Variants in SGCZ observed in about 807,000 individuals in gnomAD.
The protein encoded by SGCZ is zeta-sarcoglycan.
In SGCZ, 40 loss-of-function variants were observed where a neutral mutation model predicts 41.3. The ratio of observed to expected loss-of-function variants is 0.97; its 90% CI spans 0.75 to 1.26. The LOEUF (loss-of-function observed/expected upper bound fraction) is 1.26, where lower values mean the gene tolerates loss of function less well. Among genes scored for constraint, SGCZ ranks in the 50% most tolerant of loss-of-function variants. The pLI is 0.00. For synonymous variants in SGCZ, 206 were observed against 137.5 expected, an observed-to-expected ratio of 1.50 and a Z score of -3.49; for missense variants, 552 against 369.8, an observed-to-expected ratio of 1.49 and a Z score of -4.04.
At chr8:15,212,510 G>C (rs1333098275) in intron 1 of SGCZ, among the ~76,000 whole-genome samples, 1 of 152,054 alleles carries the variant, frequency 6.6e-6, no homozygotes. Flanking sequence ...TTCCTTGATA[G>C]TATCTTTTGA....
At chr8:15,023,627 T>TACA (rs1220356214) in intron 1 of SGCZ, among the ~76,000 whole-genome samples, 1 of 152,228 alleles carries the variant, frequency 6.6e-6, no homozygotes, top group Admixed American at 6.5e-5. Flanking sequence ...GTGATACTGC[T>TACA]ACAACATTTT....
At chr8:14,816,490 T>C (rs1406056291) in intron 1 of SGCZ, among the ~76,000 whole-genome samples, 2 of 152,236 alleles carry the variant, frequency 1.3e-5, no homozygotes, top group African/African-American at 4.8e-5. Context: ...TATATAACTG[T>C]GAAATTCAAC....
intron 1 of SGCZ, among the ~76,000 whole-genome samples, chr8:15,167,091 C>T (rs1361856855): frequency 2.6e-5 from 4 of 152,196 alleles, no homozygotes; most frequent in South Asian, 2.1e-4. Flanking sequence ...GGTATACCCC[C>T]GTGATCAAAA....
chr8:14,086,935 G>T lies in SGCZ; in HGVS notation c.*3508C>A, dbSNP rs1200383105. On this transcript the variant is annotated 3_prime_UTR_variant, in exon 8 of 8. Coordinates refer to ENST00000382080, the MANE Select transcript of SGCZ (RefSeq NM_139167.4). ...TGTGACTAAAGGAAATGTCTAGTTT[G>T]ATATACCCCTCTCACAGATAAGTGA... Among the ~76,000 whole-genome samples the T allele has an allele frequency of 6.6e-6, 1 of 151,592 alleles. No individual in the cohort carries two copies. The highest frequency in any genetic ancestry group is 1.5e-5 in the Non-Finnish European group (1 of 67,718).
intron 2 of SGCZ, among the ~76,000 whole-genome samples, chr8:14,424,495 T>C (rs1041230019): frequency 1.3e-5 from 2 of 152,218 alleles, no homozygotes; most frequent in Non-Finnish European, 2.9e-5. Context: ...TCTCTGTGAG[T>C]ATATTGCAAA....
chr8:14,983,268 C>A lies in SGCZ; in HGVS notation c.39+254317G>T, dbSNP rs547154903. Among the ~76,000 whole-genome samples the A allele has an allele frequency of 2.6e-5, 4 of 151,708 alleles. No individual in the cohort carries two copies. In the South Asian group the frequency reaches 8.3e-4, roughly 32 times the overall value. On this transcript the variant is annotated intron_variant, in intron 1 of 7. Coordinates refer to ENST00000382080, the MANE Select transcript of SGCZ (RefSeq NM_139167.4). ...TGGTGTAATCATAGCTCACTGCAGC[C>A]TCCAACTGCAGGTTGAACTGGTAGG...
At chr8:14,763,864 T>C (rs548230739) in intron 1 of SGCZ, among the ~76,000 whole-genome samples, 9 of 152,342 alleles carry the variant, frequency 5.9e-5, no homozygotes, top group East Asian at 1.9e-4. Flanking sequence ...TTAGGAACTA[T>C]GAGTTTCTCT....
Position 14,778,138 on chromosome 8 carries a change from G to A in SGCZ, c.40-223212C>T, listed in dbSNP as rs570067581. 1.1e-4 allele frequency among the ~76,000 whole-genome samples: 17 copies of A among 151,912 alleles called. No homozygotes were observed. In the East Asian group the frequency reaches 2.1e-3, roughly 19 times the overall value. Reference sequence around the variant, plus strand: ...AGATGAGGTCTCAACTGATTGTCCCGGCTAGTCTCAAACTACTGGCCTCAA... The same window carrying A: ...AGATGAGGTCTCAACTGATTGTCCCAGCTAGTCTCAAACTACTGGCCTCAA... On this transcript the variant is annotated intron_variant, in intron 1 of 7. Transcript: ENST00000382080.
intron 3 of SGCZ, among the ~76,000 whole-genome samples, chr8:14,238,870 C>G (rs1806865636): frequency 6.6e-6 from 1 of 151,864 alleles, no homozygotes; most frequent in Non-Finnish European, 1.5e-5. Flanking sequence ...GGCAGTATGT[C>G]ACGTCTATGT....
intron 2 of SGCZ, among the ~76,000 whole-genome samples, chr8:14,427,045 T>TGAATGAATGAATGAGTGAATGAAC (rs1799803160): frequency 7.0e-6 from 1 of 141,852 alleles, no homozygotes; most frequent in Non-Finnish European, 1.6e-5. Context: ...AATGAATGAA[T>TGAATGAATGAATGAGTGAATGAAC]GAATGAATGA....
chr8:14,292,530 T>G (rs756618921), intron 3 of SGCZ, among the ~76,000 whole-genome samples: 2 of 152,094 alleles, frequency 1.3e-5, no homozygotes, highest in Non-Finnish European at 2.9e-5. Context: ...AGATAGGGAA[T>G]GAAGAGACAT....
chr8:14,645,657 C>A (rs1445283825), intron 1 of SGCZ, among the ~76,000 whole-genome samples: 2 of 151,280 alleles, frequency 1.3e-5, no homozygotes, highest in East Asian at 2.0e-4. Flanking sequence ...CACTATTATA[C>A]CCCATACGCA....
intron 1 of SGCZ, among the ~76,000 whole-genome samples, chr8:14,971,193 T>C (rs908466822): frequency 2.6e-5 from 4 of 152,308 alleles, no homozygotes; most frequent in African/African-American, 9.6e-5. Context: ...TGAACAGTCA[T>C]GTTAGTTTCA....
intron 1 of SGCZ, among the ~76,000 whole-genome samples, chr8:14,886,997 C>T (rs941037486): frequency 1.3e-5 from 2 of 152,032 alleles, no homozygotes; most frequent in Non-Finnish European, 2.9e-5. Context: ...ACGATGACGT[C>T]AGAGTTTTGG....
chr8:15,226,209 G>C (rs1202090612), intron 1 of SGCZ, among the ~76,000 whole-genome samples: 2 of 152,074 alleles, frequency 1.3e-5, no homozygotes, highest in African/African-American at 4.8e-5. Flanking sequence ...TTACTTAGCT[G>C]GCTCACTGTG....
chr8:14,841,085 C>A (rs1454652494), intron 1 of SGCZ, among the ~76,000 whole-genome samples: 2 of 151,506 alleles, frequency 1.3e-5, no homozygotes, highest in African/African-American at 4.9e-5. Flanking sequence ...TCCATGCTAA[C>A]ACTAAGAATA....
At chr8:15,046,279 TTTGAG>T (rs1411346431) in intron 1 of SGCZ, among the ~76,000 whole-genome samples, 1 of 152,034 alleles carries the variant, frequency 6.6e-6, no homozygotes, top group Non-Finnish European at 1.5e-5. Context: ...TAAACAAGTA[TTTGAG>T]TTATTAGTAA....
At chr8:14,266,859 A>G (rs966855766) in intron 3 of SGCZ, among the ~76,000 whole-genome samples, 52 of 152,116 alleles carry the variant, frequency 3.4e-4, no homozygotes, top group African/African-American at 1.0e-3. Flanking sequence ...AGAACACTGG[A>G]ATCCAAGTCA....
intron 4 of SGCZ, among the ~76,000 whole-genome samples, chr8:14,220,841 C>T (rs1272618198): frequency 6.6e-6 from 1 of 151,952 alleles, no homozygotes; most frequent in Admixed American, 6.6e-5. Flanking sequence ...ATTGTAGCCA[C>T]TTCTACCATT....
Sources: allele counts gnomAD v4.1 joint callset (sites outside exome capture counted in the v4.1 genomes callset), GRCh38; gene constraint gnomAD v4.1.1; transcripts MANE v1.5; gene names NCBI Gene and HGNC (gene_info 2026-07-23, HGNC 2026-07-21).